TMPRSS15: variants seen among roughly 807,000 people sequenced by gnomAD.
TMPRSS15 encodes enteropeptidase.
TMPRSS15 carries 128 observed loss-of-function variants against 125.3 expected under a neutral mutation model. The ratio of observed to expected loss-of-function variants is 1.02; its 90% CI spans 0.89 to 1.18. The LOEUF (loss-of-function observed/expected upper bound fraction) is 1.18, where lower values mean the gene tolerates loss of function less well. Ranked by LOEUF, TMPRSS15 falls within the 50% of genes most tolerant of loss-of-function variation. The pLI is 0.00. For synonymous variants in TMPRSS15, 446 were observed against 423.2 expected, an observed-to-expected ratio of 1.05 and a Z score of -0.66; for missense variants, 1,283 against 1,212.7, an observed-to-expected ratio of 1.06 and a Z score of -0.86.
intron 18 of TMPRSS15, among the ~76,000 whole-genome samples, chr21:18,305,046 C>A (rs943489255): frequency 1.3e-5 from 2 of 152,066 alleles, no homozygotes; most frequent in Non-Finnish European, 2.9e-5. Flanking sequence ...AGAGCACTTA[C>A]CCTAGGTGGT....
chr21:18,295,979 C>T (rs762565228), intron 19 of TMPRSS15, among the ~76,000 whole-genome samples: 2 of 152,088 alleles, frequency 1.3e-5, no homozygotes, highest in Admixed American at 6.6e-5. Context: ...GGTGAAACCC[C>T]GTCTCTACTA....
At chr21:18,447,558 C>T (rs2076258418) in intron 1 of TMPRSS15, among the ~76,000 whole-genome samples, 1 of 151,316 alleles carries the variant, frequency 6.6e-6, no homozygotes. Flanking sequence ...AACTGTAGTT[C>T]TGATAATCCC....
At chr21:18,327,815 T>C (rs1374772660) in intron 15 of TMPRSS15, among the ~76,000 whole-genome samples, 2 of 152,152 alleles carry the variant, frequency 1.3e-5, no homozygotes, top group Non-Finnish European at 2.9e-5. Flanking sequence ...CTTTATTTAA[T>C]GTGTGACTTA....
At chr21:18,392,187 G>A (rs1381713034) in intron 3 of TMPRSS15, among the ~76,000 whole-genome samples, 1 of 152,150 alleles carries the variant, frequency 6.6e-6, no homozygotes, top group East Asian at 1.9e-4. Context: ...CATTACTTAT[G>A]CAAATTTCTG....
chr21:18,330,895 A>G (rs1042719228), intron 14 of TMPRSS15, among the ~76,000 whole-genome samples: 3 of 151,912 alleles, frequency 2.0e-5, no homozygotes, highest in Admixed American at 2.0e-4. Context: ...ACACGGTGAA[A>G]CCCCGTCTCT....
chr21:18,398,169 A>G lies in TMPRSS15; in HGVS notation c.276+30T>C, dbSNP rs200328649. The G allele has an allele frequency of 1.5e-4, 235 of 1,613,020 alleles. No homozygotes were observed. The East Asian group carries it at 4.9e-3, about 34-fold the overall frequency. On this transcript the variant is annotated intron_variant, in intron 2 of 24. Transcript: ENST00000284885. ...TCAGCAAGTAGTTAAACTGTGTTAT[A>G]AAATTTGAAACCAGCTGTCAGTCTC...
chr21:18,323,705 T>A (rs1029614001), intron 16 of TMPRSS15, among the ~76,000 whole-genome samples: 1 of 152,214 alleles, frequency 6.6e-6, no homozygotes, highest in Non-Finnish European at 1.5e-5. Flanking sequence ...TTTAAAAGTA[T>A]AATACTTCTT....
At chr21:18,276,643 C>T (rs2074624392) in intron 23 of TMPRSS15, among the ~76,000 whole-genome samples, 2 of 152,038 alleles carry the variant, frequency 1.3e-5, no homozygotes, top group African/African-American at 4.8e-5. Flanking sequence ...TTACTGATTG[C>T]CTTGATTTAA....
chr21:18,387,777 C>T (rs1174170823), intron 3 of TMPRSS15, among the ~76,000 whole-genome samples: 2 of 151,918 alleles, frequency 1.3e-5, no homozygotes, highest in Non-Finnish European at 2.9e-5. Flanking sequence ...ATCATATACA[C>T]ATACATGGTG....
intron 23 of TMPRSS15, among the ~76,000 whole-genome samples, chr21:18,276,333 T>C (rs1202581419): frequency 6.6e-6 from 1 of 152,228 alleles, no homozygotes; most frequent in Non-Finnish European, 1.5e-5. Context: ...ATTTTACTGA[T>C]GTAAACACTT....
At chr21:18,319,762 A>G (rs1316002835) in intron 16 of TMPRSS15, among the ~76,000 whole-genome samples, 3 of 152,156 alleles carry the variant, frequency 2.0e-5, no homozygotes, top group Non-Finnish European at 4.4e-5. Context: ...TTTTTACTCC[A>G]TGTGCTAGTT....
At chr21:18,413,312 T>TTTCCCTCCTTCC (rs2076171633) in intron 1 of TMPRSS15, among the ~76,000 whole-genome samples, 1 of 94,798 alleles carries the variant, frequency 1.1e-5, no homozygotes, top group Non-Finnish European at 2.1e-5. Flanking sequence ...TTTTCTTTCT[T>TTTCCCTCCTTCC]TTCCTTCCTT....
chr21:18,380,385 G>A (rs545965529), intron 4 of TMPRSS15, among the ~76,000 whole-genome samples: 5 of 152,090 alleles, frequency 3.3e-5, no homozygotes, highest in South Asian at 2.1e-4. Flanking sequence ...GTAATATTAC[G>A]AATTATGTTA....
chr21:18,433,944 T>C (rs2076222407), intron 1 of TMPRSS15, among the ~76,000 whole-genome samples: 1 of 152,220 alleles, frequency 6.6e-6, no homozygotes, highest in Non-Finnish European at 1.5e-5. Context: ...GATCTGGCAA[T>C]TGGATACTCA....
chr21:18,277,426 A>C (rs1178004466), intron 23 of TMPRSS15, among the ~76,000 whole-genome samples: 1 of 152,208 alleles, frequency 6.6e-6, no homozygotes, highest in Non-Finnish European at 1.5e-5. Flanking sequence ...TTTTAGCTTG[A>C]AGTCTGAAAA....
chr21:18,279,397 C>G (rs1360863291), intron 22 of TMPRSS15, among the ~76,000 whole-genome samples: 1 of 136,542 alleles, frequency 7.3e-6, no homozygotes, highest in Non-Finnish European at 1.5e-5. Context: ...GCGATCTCAG[C>G]TCACTGCAAG....
intron 1 of TMPRSS15, among the ~76,000 whole-genome samples, chr21:18,467,178 A>C (rs958560974): frequency 6.6e-6 from 1 of 152,170 alleles, no homozygotes; most frequent in Non-Finnish European, 1.5e-5. Flanking sequence ...CAAACACTGC[A>C]TGTTCTCACT....
intron 8 of TMPRSS15, among the ~76,000 whole-genome samples, chr21:18,356,812 G>A (rs2075629707): frequency 1.3e-5 from 2 of 151,740 alleles, no homozygotes; most frequent in Non-Finnish European, 2.9e-5. Flanking sequence ...TTTTGTTGTA[G>A]GATAAGTTGA....
chr21:18,436,600 T>C (rs1458939834), intron 1 of TMPRSS15, among the ~76,000 whole-genome samples: 1 of 151,338 alleles, frequency 6.6e-6, no homozygotes, highest in Non-Finnish European at 1.5e-5. Context: ...AGTCTCAGGA[T>C]ACAAAATCAA....
Sources: gnomAD v4.1 joint callset for allele counts (sites outside exome capture counted in the v4.1 genomes callset) on GRCh38, gnomAD v4.1.1 for gene constraint, MANE v1.5 for transcripts, NCBI Gene and HGNC (gene_info 2026-07-23, HGNC 2026-07-21) for gene names.